Variants in CDC14B observed in about 807,000 individuals in gnomAD.
CDC14B encodes dual specificity protein phosphatase CDC14B.
CDC14B carries 22 observed loss-of-function variants against 64.2 expected under a neutral mutation model. The ratio of observed to expected loss-of-function variants is 0.34; its 90% confidence interval spans 0.24 to 0.49. The LOEUF is 0.49. CDC14B is among the 20% of genes least tolerant of loss of function. The pLI, the probability that CDC14B is intolerant of heterozygous loss-of-function variation, is 0.99. For synonymous variants in CDC14B, 191 were observed against 215.8 expected (o/e 0.89, Z 1.01); for missense variants, 498 against 629.9 (o/e 0.79, Z 2.24).
chr9:96,516,025 G>C (rs1835608600), intron 12 of CDC14B, among the ~76,000 whole-genome samples: 2 of 152,182 alleles, frequency 1.3e-5, no homozygotes, highest in Admixed American at 1.3e-4. Flanking sequence ...TCACTAGTGA[G>C]ATAACTACCC....
At chr9:96,535,060 CCTAA>C (rs200253010) in intron 7 of CDC14B, among the ~76,000 whole-genome samples, 333 of 152,290 alleles carry the variant, frequency 2.2e-3, no homozygotes, top group East Asian at 0.019. Flanking sequence ...CCACTATCTT[CCTAA>C]CTATTTAATA....
rs1846032308 is a variant in CDC14B, at chr9:96,595,727, T to A, written c.160+23492A>T. On this transcript the variant is annotated intron_variant, in intron 1 of 13. Coordinates refer to ENST00000375241, the MANE Select transcript of CDC14B (RefSeq NM_033331.4). ...GCATAAAAGAACACAAATAGTACGA[T>A]CTCATTTATATGAAATATTCAAAAT... Among the ~76,000 whole-genome samples the A allele has an allele frequency of 2.0e-5, 3 of 152,164 alleles. No individual in the cohort carries two copies. In the South Asian group the frequency reaches 6.2e-4, roughly 32 times the overall value.
intron 5 of CDC14B, among the ~76,000 whole-genome samples, chr9:96,542,950 G>A (rs1564291489): frequency 2.0e-5 from 3 of 152,124 alleles, no homozygotes; most frequent in Non-Finnish European, 2.9e-5. Context: ...GGAGGTTGCA[G>A]TGAGCCGAGA....
At chr9:96,535,442 T>C (rs558593289) in intron 7 of CDC14B, among the ~76,000 whole-genome samples, 109 of 152,370 alleles carry the variant, frequency 7.2e-4, no homozygotes, top group African/African-American at 2.5e-3. Context: ...GACATGTTAC[T>C]TCCTGTTATT....
intron 12 of CDC14B, among the ~76,000 whole-genome samples, chr9:96,512,663 T>A (rs1464078190): frequency 6.6e-6 from 1 of 152,224 alleles, no homozygotes; most frequent in African/African-American, 2.4e-5. Context: ...TGGGGAAATA[T>A]TTATTCATCT....
Position 96,591,422 on chromosome 9 carries a change from TTACTC to T in CDC14B, c.161-25944_161-25940del, listed in dbSNP as rs567835771. ...ACATAAGGGTTTATTTCTGGGCTGT[TTACTC>T]TATTCCATTGGTCTGTCCTCATGCC... On this transcript the variant is annotated intron_variant, in intron 1 of 13. Transcript: ENST00000375241. 3.2e-4 allele frequency among the ~76,000 whole-genome samples: 49 copies of T among 152,316 alleles called. No individual in the cohort carries two copies. In the South Asian group the frequency reaches 9.5e-3, roughly 30 times the overall value.
chr9:96,511,899 C>T (rs1194423467), intron 12 of CDC14B, among the ~76,000 whole-genome samples: 2 of 151,974 alleles, frequency 1.3e-5, no homozygotes, highest in African/African-American at 4.8e-5. Context: ...TCGAGACCAG[C>T]CTGGACATTT....
chr9:96,610,122 CATT>C (rs1485412289), intron 1 of CDC14B, among the ~76,000 whole-genome samples: 1 of 151,968 alleles, frequency 6.6e-6, no homozygotes, highest in African/African-American at 2.4e-5. Flanking sequence ...CACACACACC[CATT>C]CAGATTTGTT....
intron 1 of CDC14B, among the ~76,000 whole-genome samples, chr9:96,565,723 T>G (rs935756278): frequency 6.6e-6 from 1 of 152,270 alleles, no homozygotes; most frequent in Non-Finnish European, 1.5e-5. Context: ...TGATTTTTCA[T>G]GTAGTGATAT....
chr9:96,497,671 ATTAATT>A (rs953590197), downstream of CDC14B, among the ~76,000 whole-genome samples: 1 of 152,188 alleles, frequency 6.6e-6, no homozygotes, highest in Non-Finnish European at 1.5e-5. Context: ...CCTGGACAGC[ATTAATT>A]TTATTTTTTT....
At chr9:96,497,393 G>A (rs899662166), downstream of CDC14B, among the ~76,000 whole-genome samples, 1 of 152,242 alleles carries the variant, frequency 6.6e-6, no homozygotes, top group Non-Finnish European at 1.5e-5. Context: ...TTGCTCAGGG[G>A]GATCCATTTC....
chr9:96,536,502 C>T (rs1051175532), intron 7 of CDC14B, among the ~76,000 whole-genome samples: 7 of 152,144 alleles, frequency 4.6e-5, no homozygotes, highest in Non-Finnish European at 4.4e-5. Context: ...GTTAAATGTA[C>T]GTTGTACTTT....
At chr9:96,544,053 C>T (rs1299695619) in intron 5 of CDC14B, among the ~76,000 whole-genome samples, 1 of 151,778 alleles carries the variant, frequency 6.6e-6, no homozygotes, top group Non-Finnish European at 1.5e-5. Context: ...CCTGTCTCTA[C>T]TAAAAACATA....
intron 1 of CDC14B, among the ~76,000 whole-genome samples, chr9:96,590,251 T>G (rs542005016): frequency 1.3e-5 from 2 of 152,344 alleles, no homozygotes; most frequent in South Asian, 4.1e-4. Context: ...ATTTGTCTTT[T>G]CGTGACAAGC....
chr9:96,560,710 G>A (rs1410480250), intron 4 of CDC14B, among the ~76,000 whole-genome samples: 2 of 147,112 alleles, frequency 1.4e-5, no homozygotes, highest in African/African-American at 2.5e-5. Context: ...ATTCTCCCAA[G>A]TCGCTGGGAT....
In CDC14B at chr9:96,515,750, G is replaced by C. The variant is rs757467874; in HGVS notation, c.1344-5961C>G. The C allele has an allele frequency of 2.5e-6, 4 of 1,606,536 alleles. No individual in the cohort carries two copies. Among genetic ancestry groups the C allele is most frequent in the Non-Finnish European group, 3.4e-6 (4 of 1,177,034 alleles). On this transcript the variant is annotated intron_variant, in intron 12 of 13. Transcript: ENST00000375241. The surrounding 1 kb of genome is among the most constrained non-coding windows in gnomAD (Gnocchi z 4.3). ...TGTAGTCACAAACAATCCACCAGAT[G>C]ACAACACTACACAGTGCAGAGGTCA...
chr9:96,510,739 G>A (rs569026698), intron 12 of CDC14B, among the ~76,000 whole-genome samples: 17 of 151,798 alleles, frequency 1.1e-4, no homozygotes, highest in Admixed American at 9.8e-4. Flanking sequence ...CTGAGTAGCT[G>A]GGACCGCAGG....
At chr9:96,537,774 G>A (rs1297672189) in intron 7 of CDC14B, among the ~76,000 whole-genome samples, 1 of 152,126 alleles carries the variant, frequency 6.6e-6, no homozygotes, top group African/African-American at 2.4e-5. Context: ...CCAGGCTGGA[G>A]TGCAGTGGGG....
intron 1 of CDC14B, chr9:96,567,026 G>A: frequency 1.5e-6 from 2 of 1,350,084 alleles, no homozygotes; most frequent in Non-Finnish European, 1.9e-6. Context: ...CCCCGCGCGC[G>A]ACGAGGCCGT....
Sources: gnomAD v4.1 joint callset for allele counts (sites outside exome capture counted in the v4.1 genomes callset) on GRCh38, gnomAD v4.1.1 for gene constraint, Gnocchi (gnomAD v3.1) non-coding constraint, MANE v1.5 for transcripts, NCBI Gene and HGNC (gene_info 2026-07-23, HGNC 2026-07-21) for gene names.